The following SLC17A1 variants were observed in gnomAD, a reference collection of about 807,000 sequenced individuals.
SLC17A1 encodes the protein solute carrier family 17 member 1.
In SLC17A1, 51 loss-of-function variants were observed where a neutral mutation model predicts 53.5. The observed-to-expected ratio is 0.95, with a 90% confidence interval of 0.76 to 1.20. SLC17A1 has a LOEUF of 1.20. Ranked by LOEUF, SLC17A1 falls within the 50% of genes most tolerant of loss-of-function variation. The pLI, the probability that SLC17A1 is intolerant of heterozygous loss-of-function variation, is 0.00. For synonymous variants in SLC17A1, 179 were observed against 198.8 expected (o/e 0.90, Z 0.84); for missense variants, 538 against 568.2 (o/e 0.95, Z 0.54).
chr6:25,773,358 G>A, the SLC17A1 span: 1 of 1,613,924 alleles, frequency 6.2e-7, no homozygotes, highest in East Asian at 2.2e-5. Context: ...CAGTGCTGGT[G>A]AGAAGAGATA....
chr6:25,769,553 G>C, the SLC17A1 span, among the ~76,000 whole-genome samples: 1 of 148,008 alleles, frequency 6.8e-6, no homozygotes, highest in Admixed American at 6.7e-5. Context: ...GTGAGATTCT[G>C]TCTTAAAAAA....
the SLC17A1 span, among the ~76,000 whole-genome samples, chr6:25,724,913 C>A: frequency 7.7e-6 from 1 of 130,148 alleles, no homozygotes; most frequent in Non-Finnish European, 1.7e-5. Flanking sequence ...ACTTGATTGT[C>A]CTTACTCGGC....
At chr6:25,776,543 C>G in the SLC17A1 span, 1 of 1,544,126 alleles carries the variant, frequency 6.5e-7, no homozygotes, top group Non-Finnish European at 8.7e-7. Context: ...TTGTCTGTGT[C>G]GTGGTGGGGG....
chr6:25,762,774 A>G, the SLC17A1 span, among the ~76,000 whole-genome samples: 1 of 152,352 alleles, frequency 6.6e-6, no homozygotes, highest in East Asian at 1.9e-4. Flanking sequence ...TGTGCATGTT[A>G]GTACTCAACC....
At chr6:25,755,603 G>T in the SLC17A1 span, among the ~76,000 whole-genome samples, 4 of 152,116 alleles carry the variant, frequency 2.6e-5, no homozygotes, top group African/African-American at 9.7e-5. Flanking sequence ...TATAAGAATG[G>T]CTGGCTCCAT....
the SLC17A1 span, among the ~76,000 whole-genome samples, chr6:25,762,494 A>C: frequency 2.3e-4 from 35 of 152,288 alleles, no homozygotes; most frequent in Non-Finnish European, 4.1e-4. Context: ...CTATATTACA[A>C]CATCATGCTT....
chr6:25,765,363 C>A, the SLC17A1 span, among the ~76,000 whole-genome samples: 2 of 152,258 alleles, frequency 1.3e-5, no homozygotes, highest in Admixed American at 1.3e-4. Context: ...TAGCATCATC[C>A]CCATTTTGTA....
chr6:25,783,621 G>A (rs1763314631), intron 12 of SLC17A1, among the ~76,000 whole-genome samples: 1 of 152,074 alleles, frequency 6.6e-6, no homozygotes, highest in Non-Finnish European at 1.5e-5. Context: ...ACACCAGTGG[G>A]GTTTGACACT....
chr6:25,788,478 A>C (rs903682534), intron 12 of SLC17A1, among the ~76,000 whole-genome samples: 3 of 151,994 alleles, frequency 2.0e-5, no homozygotes, highest in African/African-American at 7.3e-5. Flanking sequence ...GCCCAGTGAG[A>C]GGTGTTAGAG....
chr6:25,776,936 T>C, the SLC17A1 span: 1 of 1,613,418 alleles, frequency 6.2e-7, no homozygotes, highest in East Asian at 2.2e-5. Flanking sequence ...GAGCCCTTGT[T>C]AACTTCTTGG....
chr6:25,781,152 T>C (rs1763257390), downstream of SLC17A1: 1 of 148,698 alleles, frequency 6.7e-6, no homozygotes, highest in Admixed American at 6.8e-5. Flanking sequence ...CAGTATTTAA[T>C]GGTCAGCTGG....
At chr6:25,799,240 T>G (rs1376955712) in intron 11 of SLC17A1, among the ~76,000 whole-genome samples, 1 of 152,224 alleles carries the variant, frequency 6.6e-6, no homozygotes, top group Non-Finnish European at 1.5e-5. Flanking sequence ...CTTATGTAGC[T>G]GACATATTAT....
At chr6:25,799,184 T>A (rs1048022568) in intron 11 of SLC17A1, among the ~76,000 whole-genome samples, 20 of 152,282 alleles carry the variant, frequency 1.3e-4, no homozygotes, top group East Asian at 1.9e-4. Context: ...CTGATTTTTT[T>A]AATCTGATCT....
At chr6:25,800,698 C>A (rs1244226673) in intron 11 of SLC17A1, among the ~76,000 whole-genome samples, 192 bp downstream of exon 11, 1 of 152,160 alleles carries the variant, frequency 6.6e-6, no homozygotes. Context: ...ATCTAATTGA[C>A]AAATAATGAG....
At chr6:25,776,829 G>T in the SLC17A1 span, 1 of 1,613,956 alleles carries the variant, frequency 6.2e-7, no homozygotes, top group Admixed American at 1.7e-5. Flanking sequence ...CTTCCCATCC[G>T]TGATCCTCGT....
At chr6:25,764,231 C>T in the SLC17A1 span, among the ~76,000 whole-genome samples, 1 of 152,158 alleles carries the variant, frequency 6.6e-6, no homozygotes, top group African/African-American at 2.4e-5. Flanking sequence ...TGAATGGAAT[C>T]CTGAGGATTG....
At chr6:25,726,729 G>T in the SLC17A1 span, 2 of 1,070,192 alleles carry the variant, frequency 1.9e-6, no homozygotes, top group Non-Finnish European at 2.7e-6. Context: ...CGAACGCGGC[G>T]TTTGAGGGCC....
intron 12 of SLC17A1, among the ~76,000 whole-genome samples, chr6:25,794,704 G>A (rs924266753): frequency 6.6e-6 from 1 of 152,134 alleles, no homozygotes; most frequent in Non-Finnish European, 1.5e-5. Flanking sequence ...CGGTACATTC[G>A]AAGGGAAGAG....
the SLC17A1 span, among the ~76,000 whole-genome samples, chr6:25,747,686 A>C: frequency 6.6e-6 from 1 of 152,228 alleles, no homozygotes; most frequent in Non-Finnish European, 1.5e-5. Flanking sequence ...ATAAGAAAAG[A>C]CATGAGAGCA....
Sources: allele counts gnomAD v4.1 joint callset (sites outside exome capture counted in the v4.1 genomes callset), GRCh38; gene constraint gnomAD v4.1.1; transcripts MANE v1.5; gene names NCBI Gene and HGNC (gene_info 2026-07-23, HGNC 2026-07-21).